KIAA1217: variants seen among roughly 807,000 people sequenced by gnomAD.
KIAA1217 encodes sickle tail protein homolog.
KIAA1217 carries 88 observed loss-of-function variants against 163.9 expected under a neutral mutation model. The ratio of observed to expected loss-of-function variants is 0.54; its 90% CI spans 0.45 to 0.64. The LOEUF (loss-of-function observed/expected upper bound fraction) is 0.64. Ranked by LOEUF, KIAA1217 falls within the 30% of genes least tolerant of loss-of-function variation. The pLI, the probability that KIAA1217 is intolerant of heterozygous loss-of-function variation, is 0.00. For synonymous variants in KIAA1217, 903 were observed against 923.1 expected (o/e 0.98, Z 0.39); for missense variants, 2,372 against 2,475.0 (o/e 0.96, Z 0.88).
chr10:24,359,552 A>G (rs554545367), intron 2 of KIAA1217, among the ~76,000 whole-genome samples: 4 of 152,238 alleles, frequency 2.6e-5, no homozygotes, highest in Non-Finnish European at 2.9e-5. Flanking sequence ...GAAAGTGTAC[A>G]TGAAACATGC....
chr10:24,321,075 G>C (rs1350973122), intron 2 of KIAA1217, among the ~76,000 whole-genome samples: 1 of 151,556 alleles, frequency 6.6e-6, no homozygotes, highest in Non-Finnish European at 1.5e-5. Flanking sequence ...ATGCTACAGA[G>C]AAAGGGGACA....
intron 1 of KIAA1217, among the ~76,000 whole-genome samples, chr10:23,754,621 G>A (rs184829932): frequency 6.6e-6 from 1 of 152,206 alleles, no homozygotes; most frequent in African/African-American, 2.4e-5. Flanking sequence ...AGCTTCTCCC[G>A]CTCTCTCTAT....
At chr10:23,707,402 C>T (rs1030568322) in intron 1 of KIAA1217, among the ~76,000 whole-genome samples, 4 of 152,064 alleles carry the variant, frequency 2.6e-5, no homozygotes, top group African/African-American at 9.7e-5. Flanking sequence ...GTGATAGGCC[C>T]ATGTCATTAT....
At chr10:24,513,099 C>T in intron 9 of KIAA1217, among the ~76,000 whole-genome samples, 160 bp from the exon 10 acceptor site, 1 of 152,216 alleles carries the variant, frequency 6.6e-6, no homozygotes, top group Non-Finnish European at 1.5e-5. Context: ...GAAGAAGCCA[C>T]ATTATGTACA....
At chr10:24,403,328 AC>A (rs2131128915) in intron 3 of KIAA1217, among the ~76,000 whole-genome samples, 1 of 152,064 alleles carries the variant, frequency 6.6e-6, no homozygotes, top group African/African-American at 2.4e-5. Flanking sequence ...AACCTCTGCC[AC>A]CCGGGTTCGA....
At chr10:23,922,906 C>G (rs963776147) in intron 1 of KIAA1217, among the ~76,000 whole-genome samples, 4 of 151,986 alleles carry the variant, frequency 2.6e-5, no homozygotes, top group Non-Finnish European at 4.4e-5. Context: ...CAAAACAAAA[C>G]CTAGTTTTGA....
intron 1 of KIAA1217, among the ~76,000 whole-genome samples, chr10:23,887,234 T>C (rs1033179183): frequency 1.2e-4 from 18 of 151,950 alleles, no homozygotes; most frequent in Non-Finnish European, 2.7e-4. Context: ...AGAGTCTTTT[T>C]TTAAAATTTA....
chr10:24,236,886 A>G lies in KIAA1217; in HGVS notation c.354+16977A>G, dbSNP rs187754544. Among the ~76,000 whole-genome samples the G allele has an allele frequency of 2.5e-3, 384 of 152,142 alleles. 2 individuals are homozygous for G. Among genetic ancestry groups the G allele is most frequent in the Non-Finnish European group, 4.3e-3 (294 of 67,996 alleles). On this transcript the variant is annotated intron_variant, in intron 2 of 20. Coordinates refer to ENST00000376454, the MANE Select transcript of KIAA1217 (RefSeq NM_019590.5). ...AAGCTGGTCTCAAACTCCTGGGCTC[A>G]AAAGATCCTGCTACCTCAGCCTCCC...
chr10:23,875,923 G>A (rs1279095485), intron 1 of KIAA1217, among the ~76,000 whole-genome samples: 1 of 146,486 alleles, frequency 6.8e-6, no homozygotes, highest in South Asian at 2.3e-4. Context: ...CAGAGGGAGG[G>A]GAACATCACA....
chr10:24,386,488 G>A (rs2054020530), intron 3 of KIAA1217, among the ~76,000 whole-genome samples: 2 of 151,964 alleles, frequency 1.3e-5, no homozygotes, highest in Admixed American at 1.3e-4. Flanking sequence ...ACAAAGAGGG[G>A]GCAACAACTG....
intron 3 of KIAA1217, among the ~76,000 whole-genome samples, chr10:24,422,838 T>G (rs1314581129): frequency 6.9e-6 from 1 of 144,356 alleles, no homozygotes; most frequent in Non-Finnish European, 1.6e-5. Flanking sequence ...GCCCAGTGAC[T>G]GCCCTCTGTC....
chr10:24,473,736 G>A lies in KIAA1217; in HGVS notation c.1355G>A (p.Arg452Lys), dbSNP rs2063752252. ...AEMHMEQSLYRQKSRKYPDSH... is the reference protein window; with the variant it reads ...AEMHMEQSLYKQKSRKYPDSH... ...ATGCATATGGAACAATCACTGTACAGACAGAAATCAAGGAAATATCCGGAT... is the reference window on the plus strand; with the variant it reads ...ATGCATATGGAACAATCACTGTACAAACAGAAATCAAGGAAATATCCGGAT... The change falls in exon 6 of 21, where the codon AGA becomes AAA. Residue 452 changes from arginine (R) to lysine (K), a missense_variant. By Grantham distance (26) the Arg-to-Lys change is conservative (BLOSUM62 2). This residue lies in a region of KIAA1217 where 1,431 missense variants were observed against 1,470.3 expected (regional missense o/e 0.97). Transcript: ENST00000376454. The A allele has an allele frequency of 1.2e-6, 2 of 1,614,064 alleles. No homozygotes were observed. The highest frequency in any genetic ancestry group is 2.2e-5 in the South Asian group (2 of 91,072).
At chr10:23,912,927 C>A (rs572519681) in intron 1 of KIAA1217, among the ~76,000 whole-genome samples, 135 of 152,304 alleles carry the variant, frequency 8.9e-4, no homozygotes, top group South Asian at 1.9e-3. Flanking sequence ...TTTGTAAAAG[C>A]AGTGCCACAG....
intron 1 of KIAA1217, among the ~76,000 whole-genome samples, chr10:23,890,756 G>C (rs570030077): frequency 6.6e-6 from 1 of 152,068 alleles, no homozygotes; most frequent in African/African-American, 2.4e-5. Context: ...ATGTCAATTA[G>C]GTTAAGTTGG....
At chr10:23,861,202 T>C (rs1839934682) in intron 1 of KIAA1217, among the ~76,000 whole-genome samples, 1 of 152,170 alleles carries the variant, frequency 6.6e-6, no homozygotes, top group South Asian at 2.1e-4. Flanking sequence ...TGTGAGCCAC[T>C]GTGCCTGGCC....
At chr10:23,753,773 A>G (rs747268829) in intron 1 of KIAA1217, among the ~76,000 whole-genome samples, 59 of 152,344 alleles carry the variant, frequency 3.9e-4, no homozygotes, top group South Asian at 4.1e-4. Context: ...AATGAAAAGT[A>G]ATTAAGAACT....
At chr10:24,330,246 G>GCCAAGC (rs1479175285) in intron 2 of KIAA1217, among the ~76,000 whole-genome samples, 2 of 147,666 alleles carry the variant, frequency 1.4e-5, no homozygotes, top group African/African-American at 5.0e-5. Flanking sequence ...GTTGCAGTAA[G>GCCAAGC]CCAAGCCCAC....
chr10:24,269,356 C>G (rs556124420), intron 2 of KIAA1217, among the ~76,000 whole-genome samples: 1 of 151,918 alleles, frequency 6.6e-6, no homozygotes, highest in East Asian at 1.9e-4. Flanking sequence ...GATCCTTTCT[C>G]TACAAAAAAG....
At position 24,380,614 on chromosome 10, in the gene KIAA1217, C is replaced by CAATAAATA. The variant is rs56384961; in HGVS notation, c.355-222_355-215dup. 1.4e-3 allele frequency among the ~76,000 whole-genome samples: 197 copies of CAATAAATA among 145,622 alleles called. 1 individual carries two copies. The highest frequency in any genetic ancestry group is 3.2e-3 in the South Asian group (14 of 4,346). ...CCGATCTCACACCACTGCACTCTGG[C>CAATAAATA]AATAAATAAATAAATAAATAAATAA... On this transcript the variant is annotated intron_variant, in intron 2 of 20. Transcript: ENST00000376454.
Sources: gnomAD v4.1 joint callset for allele counts (sites outside exome capture counted in the v4.1 genomes callset) on GRCh38, gnomAD v4.1.1 for gene constraint, gnomAD v4.1.1 regional missense constraint, MANE v1.5 for transcripts, NCBI Gene and HGNC (gene_info 2026-07-23, HGNC 2026-07-21) for gene names.